Variants in LRCH1 observed in about 807,000 individuals in gnomAD.
The protein encoded by LRCH1 is leucine-rich repeat and calponin homology domain-containing protein 1.
Under a neutral mutation model 94.9 loss-of-function variants are expected in LRCH1, and 23 were observed. The ratio of observed to expected loss-of-function variants is 0.24; its 90% CI spans 0.17 to 0.34. LRCH1 has a LOEUF of 0.34. Among genes scored for constraint, LRCH1 ranks in the 10% least tolerant of loss-of-function variants. LRCH1 has a pLI of 1.00. For synonymous variants in LRCH1, 364 were observed against 354.9 expected (o/e 1.03, Z -0.29); for missense variants, 790 against 945.9 (o/e 0.84, Z 2.16).
intron 1 of LRCH1, among the ~76,000 whole-genome samples, chr13:46,629,719 G>A (rs891244838): frequency 6.6e-6 from 1 of 152,242 alleles, no homozygotes; most frequent in African/African-American, 2.4e-5. Context: ...AGCCAGCAAT[G>A]CAGGTTGCTA....
chr13:46,681,497 G>T (rs565142646), intron 3 of LRCH1, among the ~76,000 whole-genome samples: 1 of 152,200 alleles, frequency 6.6e-6, no homozygotes, highest in African/African-American at 2.4e-5. Flanking sequence ...CCAGAGGCTG[G>T]TGAAGCAGCT....
In LRCH1 at chr13:46,682,499, A is replaced by G. The variant is rs759217523; in HGVS notation, c.685+653A>G. On this transcript the variant is annotated intron_variant, in intron 4 of 19. Transcript: ENST00000389797. ...AAGCCAGCCCGTCACAAGGGGTGAC[A>G]TGAATTGTTTTGGGTATGGGTATGT... is the stretch of plus-strand genomic sequence containing the variant. Among the ~76,000 whole-genome samples the G allele has an allele frequency of 1.1e-3, 173 of 152,336 alleles. 2 individuals are homozygous for G. Among genetic ancestry groups the G allele is most frequent in the Non-Finnish European group, 1.0e-3 (68 of 68,034 alleles).
At chr13:46,674,711 A>T (rs1179269733) in intron 3 of LRCH1, among the ~76,000 whole-genome samples, 1 of 152,236 alleles carries the variant, frequency 6.6e-6, no homozygotes, top group Non-Finnish European at 1.5e-5. Flanking sequence ...GTATACATGT[A>T]TTATTTCATA....
At chr13:46,569,253 C>T (rs1037371461) in intron 1 of LRCH1, among the ~76,000 whole-genome samples, 5 of 152,242 alleles carry the variant, frequency 3.3e-5, no homozygotes, top group South Asian at 2.1e-4. Context: ...GCATTTGTTG[C>T]GCACCTACTG....
chr13:46,583,589 T>C (rs1195998810), intron 1 of LRCH1, among the ~76,000 whole-genome samples: 1 of 151,186 alleles, frequency 6.6e-6, no homozygotes, highest in African/African-American at 2.5e-5. Context: ...ACAGGATATC[T>C]AATTTTTAGA....
At chr13:46,710,587 A>G (rs1032010270) in intron 13 of LRCH1, among the ~76,000 whole-genome samples, 1 of 152,180 alleles carries the variant, frequency 6.6e-6, no homozygotes, top group African/African-American at 2.4e-5. Context: ...TATAGAAAGA[A>G]TCAAACCTGA....
intron 1 of LRCH1, among the ~76,000 whole-genome samples, chr13:46,639,120 T>A (rs1337977105): frequency 1.3e-5 from 2 of 152,206 alleles, no homozygotes. Flanking sequence ...GGTTAAGAGT[T>A]TCAATATTTA....
chr13:46,597,646 C>T (rs993255561), intron 1 of LRCH1, among the ~76,000 whole-genome samples: 7 of 152,078 alleles, frequency 4.6e-5, no homozygotes, highest in Non-Finnish European at 8.8e-5. Flanking sequence ...CGTGAACCAC[C>T]GCGCCTGGCC....
At chr13:46,718,485 T>A (rs1872435514) in intron 16 of LRCH1, among the ~76,000 whole-genome samples, 1 of 152,230 alleles carries the variant, frequency 6.6e-6, no homozygotes, top group Admixed American at 6.5e-5. Flanking sequence ...AAATGCTAAT[T>A]TATTTGGTGT....
chr13:46,582,556 C>G (rs115884821), intron 1 of LRCH1, among the ~76,000 whole-genome samples: 1,658 of 148,422 alleles, frequency 0.011, 30 homozygotes, highest in African/African-American at 0.039. Context: ...ACAATCTTAG[C>G]TCACTGTAGC....
At chr13:46,566,432 ACTCG>A (rs2137910281) in intron 1 of LRCH1, among the ~76,000 whole-genome samples, 1 of 152,292 alleles carries the variant, frequency 6.6e-6, no homozygotes, top group South Asian at 2.1e-4. Flanking sequence ...TGATATGGTA[ACTCG>A]GAAGGGGGAA....
Position 46,741,997 on chromosome 13 carries a change from AT to A in LRCH1, c.*153del, listed in dbSNP as rs1163634959. The A allele has an allele frequency of 4.0e-6, 6 of 1,495,134 alleles. No homozygotes were observed. The East Asian group carries it at 1.4e-4, about 34-fold the overall frequency. 92.6% of individuals were successfully genotyped at this position (1,495,134 alleles called of 1,614,324 possible). On this transcript the variant is annotated 3_prime_UTR_variant, in exon 20 of 20. Transcript: ENST00000389797. ...TTGAAGCTGAACAGTAGCAAATCAG[AT>A]TTTCCAGAAGCACAAACTTTGTAGA...
intron 6 of LRCH1, among the ~76,000 whole-genome samples, chr13:46,688,452 C>G (rs1050043638): frequency 6.6e-6 from 1 of 152,194 alleles, no homozygotes; most frequent in Non-Finnish European, 1.5e-5. Flanking sequence ...TTTGTCGCCA[C>G]TTCCTGTTTC....
At chr13:46,658,723 C>T (rs1340272502) in intron 2 of LRCH1, among the ~76,000 whole-genome samples, 1 of 152,186 alleles carries the variant, frequency 6.6e-6, no homozygotes, top group African/African-American at 2.4e-5. Context: ...ACAAGTGATC[C>T]ACCTACCTCA....
intron 17 of LRCH1, among the ~76,000 whole-genome samples, chr13:46,727,064 C>G (rs1872857877): frequency 6.6e-6 from 1 of 152,062 alleles, no homozygotes. Flanking sequence ...AATTATTTGA[C>G]AGATATTTTT....
intron 1 of LRCH1, among the ~76,000 whole-genome samples, chr13:46,601,961 A>T (rs2050633633): frequency 6.6e-6 from 1 of 152,216 alleles, no homozygotes; most frequent in African/African-American, 2.4e-5. Flanking sequence ...TGTGTTCAGT[A>T]GTTGGATTTG....
chr13:46,586,999 A>G (rs968565598), intron 1 of LRCH1, among the ~76,000 whole-genome samples: 2 of 152,218 alleles, frequency 1.3e-5, no homozygotes, highest in Non-Finnish European at 2.9e-5. Flanking sequence ...AAATGACCTC[A>G]GGAGTGGCTT....
chr13:46,736,516 AT>A (rs1873393916), intron 19 of LRCH1, among the ~76,000 whole-genome samples: 1 of 152,134 alleles, frequency 6.6e-6, no homozygotes, highest in Non-Finnish European at 1.5e-5. Flanking sequence ...ACAATTGATG[AT>A]TTACACTGAA....
In LRCH1 at chr13:46,705,202, T is replaced by G. The variant is rs199858923; in HGVS notation, c.1490+45T>G. On this transcript the variant is annotated intron_variant, in intron 12 of 19. Transcript: ENST00000389797. ...CAAATTATGTTTTCTCTTTTCATAATACATTGACATTTCTATGCTTTAAAT... is the reference window on the plus strand; with the variant it reads ...CAAATTATGTTTTCTCTTTTCATAAGACATTGACATTTCTATGCTTTAAAT... 18 of 1,589,740 alleles carry G rather than the reference T, an allele frequency of 1.1e-5. No homozygotes were observed. In the East Asian group the frequency reaches 4.0e-4, roughly 36 times the overall value.
Sources: allele counts gnomAD v4.1 joint callset (sites outside exome capture counted in the v4.1 genomes callset), GRCh38; gene constraint gnomAD v4.1.1; transcripts MANE v1.5; gene names NCBI Gene and HGNC (gene_info 2026-07-23, HGNC 2026-07-21).